MEIS2: variants seen among roughly 807,000 people sequenced by gnomAD.
MEIS2 encodes the protein homeobox protein Meis2.
A neutral mutation model predicts 58.6 loss-of-function variants in MEIS2; 9 were observed. The observed-to-expected ratio is 0.15, with a 90% CI of 0.09 to 0.27. MEIS2 has a LOEUF of 0.27. MEIS2 is among the 10% of genes least tolerant of loss of function. MEIS2 has a pLI of 1.00. For synonymous variants in MEIS2, 221 were observed against 228.4 expected (o/e 0.97, Z 0.29); for missense variants, 427 against 635.0 (o/e 0.67, Z 3.52).
At chr15:37,006,236 T>C (rs924158147) in intron 8 of MEIS2, among the ~76,000 whole-genome samples, 4 of 152,180 alleles carry the variant, frequency 2.6e-5, no homozygotes, top group East Asian at 1.9e-4. Context: ...TTTCATACCA[T>C]AAAAAATCAT....
chr15:36,926,643 G>C (rs1336203206), intron 9 of MEIS2, among the ~76,000 whole-genome samples: 1 of 152,174 alleles, frequency 6.6e-6, no homozygotes, highest in Non-Finnish European at 1.5e-5. Context: ...GGCAGGTCTT[G>C]ATAATTATGG....
chr15:36,927,231 T>G (rs2057784075), intron 9 of MEIS2, among the ~76,000 whole-genome samples: 1 of 151,976 alleles, frequency 6.6e-6, no homozygotes, highest in Admixed American at 6.6e-5. Context: ...CCCCTGAAGA[T>G]GAGAGAGGGT....
At chr15:37,030,653 T>C (rs1324962571) in intron 8 of MEIS2, among the ~76,000 whole-genome samples, 3 of 151,178 alleles carry the variant, frequency 2.0e-5, no homozygotes, top group African/African-American at 7.3e-5. Context: ...TTATTATTAT[T>C]ATTATTATTT....
intron 8 of MEIS2, among the ~76,000 whole-genome samples, chr15:36,980,061 C>T (rs181631069): frequency 1.5e-4 from 22 of 151,636 alleles, no homozygotes; most frequent in Admixed American, 1.4e-3. Flanking sequence ...AAAAGATGTG[C>T]CTCTATTGTA....
chr15:36,988,000 T>C (rs1305160915), intron 8 of MEIS2, among the ~76,000 whole-genome samples: 1 of 152,200 alleles, frequency 6.6e-6, no homozygotes, highest in Non-Finnish European at 1.5e-5. Context: ...TTTTAGACTC[T>C]TAAAAATGCC....
intron 7 of MEIS2, among the ~76,000 whole-genome samples, chr15:37,052,857 G>T (rs977982813): frequency 6.6e-6 from 1 of 152,168 alleles, no homozygotes; most frequent in African/African-American, 2.4e-5. Context: ...GGTCACGTGT[G>T]CTACTACTTA....
rs111227050 is a variant in MEIS2 at position 37,024,149 on chromosome 15, C to T, written c.900+12665G>A. ...CTGATGTCAGGTGATCCACCCGCCT[C>T]GGCCTCCCAAAGTGCTGGGATTACA... On this transcript the variant is annotated intron_variant, in intron 8 of 11. Coordinates refer to ENST00000561208, the MANE Select transcript of MEIS2 (RefSeq NM_170675.5). Among the ~76,000 whole-genome samples the T allele has an allele frequency of 3.7e-4, 57 of 152,082 alleles. 1 individual carries two copies. Among genetic ancestry groups the T allele is most frequent in the African/African-American group, 1.3e-3 (55 of 41,488 alleles).
At chr15:37,005,056 G>A (rs1228811524) in intron 8 of MEIS2, among the ~76,000 whole-genome samples, 3 of 152,156 alleles carry the variant, frequency 2.0e-5, no homozygotes. Context: ...TTTACCTGAT[G>A]TTCTAAAAAA....
intron 8 of MEIS2, chr15:37,036,578 C>G: frequency 2.4e-6 from 1 of 409,510 alleles, no homozygotes. Context: ...GGTCTTAGAT[C>G]ATTTTAAATA....
chr15:37,089,481 C>A (rs1893277082), intron 6 of MEIS2, among the ~76,000 whole-genome samples: 1 of 152,096 alleles, frequency 6.6e-6, no homozygotes, highest in Non-Finnish European at 1.5e-5. Context: ...TCAACATAAA[C>A]TTGATATATT....
chr15:36,960,605 G>A (rs1413273948), intron 8 of MEIS2, among the ~76,000 whole-genome samples: 1 of 152,014 alleles, frequency 6.6e-6, no homozygotes, highest in Non-Finnish European at 1.5e-5. Flanking sequence ...TTGGCTGAAA[G>A]GTTCAGAACT....
intron 7 of MEIS2, among the ~76,000 whole-genome samples, chr15:37,044,244 G>A: frequency 6.6e-6 from 1 of 152,138 alleles, no homozygotes; most frequent in Non-Finnish European, 1.5e-5. Context: ...AAGATGTGAA[G>A]GGTGAAGCTA....
At chr15:36,997,202 A>T (rs1015639644) in intron 8 of MEIS2, among the ~76,000 whole-genome samples, 1 of 152,204 alleles carries the variant, frequency 6.6e-6, no homozygotes, top group Non-Finnish European at 1.5e-5. Context: ...AGGAATTCTT[A>T]ATCAGAGAAT....
At chr15:37,026,633 G>A (rs1166180521) in intron 8 of MEIS2, among the ~76,000 whole-genome samples, 2 of 152,124 alleles carry the variant, frequency 1.3e-5, no homozygotes, top group Non-Finnish European at 2.9e-5. Flanking sequence ...TTTGGCGGGG[G>A]GAGAGTGGTG....
At chr15:37,055,230 G>A (rs988489880) in intron 7 of MEIS2, among the ~76,000 whole-genome samples, 2 of 152,104 alleles carry the variant, frequency 1.3e-5, no homozygotes, top group Non-Finnish European at 2.9e-5. Flanking sequence ...CCAAGATTTT[G>A]TGGTTGATCA....
At chr15:36,967,908 G>C (rs190580970) in intron 8 of MEIS2, among the ~76,000 whole-genome samples, 1 of 152,202 alleles carries the variant, frequency 6.6e-6, no homozygotes, top group Non-Finnish European at 1.5e-5. Flanking sequence ...AAGGGTATGT[G>C]TGCTATTTTG....
At chr15:36,997,653 T>C (rs2060572211) in intron 8 of MEIS2, among the ~76,000 whole-genome samples, 1 of 151,932 alleles carries the variant, frequency 6.6e-6, no homozygotes, top group Non-Finnish European at 1.5e-5. Flanking sequence ...CTAATTTTTT[T>C]TGTATTTTTA....
intron 8 of MEIS2, among the ~76,000 whole-genome samples, chr15:36,954,254 A>G (rs2058870007): frequency 6.6e-6 from 1 of 151,698 alleles, no homozygotes; most frequent in South Asian, 2.1e-4. Flanking sequence ...TGTATCATTT[A>G]TTTCTGATTA....
rs2055809280 is a variant in MEIS2 at position 36,890,696 on chromosome 15, C to A, written c.*1477G>T. 6.6e-6 allele frequency: 1 copy of A among 152,046 alleles called. No homozygotes were observed. The highest frequency in any genetic ancestry group is 1.5e-5 in the Non-Finnish European group (1 of 67,988). 9.4% of individuals were successfully genotyped at this position (152,046 alleles called of 1,614,324 possible). A position where few individuals can be genotyped will look rare whatever the true frequency, so the allele number is the denominator to read the frequency against. On this transcript the variant is annotated 3_prime_UTR_variant, in exon 12 of 12. Transcript: ENST00000561208. ...GTTGTAAAATTAACCCTGAAAAGTC[C>A]TTTATTCTGGCAGAGGATGCCCATG...
Sources: gnomAD v4.1 joint callset for allele counts (sites outside exome capture counted in the v4.1 genomes callset) on GRCh38, gnomAD v4.1.1 for gene constraint, MANE v1.5 for transcripts, NCBI Gene and HGNC (gene_info 2026-07-23, HGNC 2026-07-21) for gene names.